Variants in FAM89A observed in about 807,000 individuals in gnomAD.
FAM89A encodes the protein family with sequence similarity 89 member A.
FAM89A carries 10 observed loss-of-function variants against 7.1 expected under a neutral mutation model. The ratio of observed to expected loss-of-function variants is 1.40; its 90% CI spans 0.86 to 2.38. The LOEUF is 2.38. FAM89A is among the 30% of genes most tolerant of loss of function. FAM89A has a pLI of 0.00. For missense variants in FAM89A, 276 were observed against 262.8 expected (o/e 1.05, Z -0.35); for synonymous variants, 157 against 129.3 (o/e 1.21, Z -1.45).
rs1323165929 is a variant in FAM89A, at chr1:231,019,884, G to A, written c.534C>T (p.Asp178=). 1 of 1,614,022 alleles carries A rather than the reference G, an allele frequency of 6.2e-7. No homozygotes were observed. The highest frequency in any genetic ancestry group is 2.2e-5 in the East Asian group (1 of 44,896). The change falls in exon 2 of 2, where the codon GAC becomes GAT. Residue 178 remains aspartate, a synonymous_variant. Coordinates refer to ENST00000366654, the MANE Select transcript of FAM89A (RefSeq NM_198552.3). Reference sequence around the variant, plus strand: ...CCCTCTAGATGGACTCCAGAATCCAGTCGCTGCTGGAGAGGGAGGAGACAG... The same window carrying A: ...CCCTCTAGATGGACTCCAGAATCCAATCGCTGCTGGAGAGGGAGGAGACAG... The part of the protein sequence containing the change: ...SLPVSSLSSS[D]WILESI
chr1:231,039,859 C>A (rs1680228167), intron 1 of FAM89A, 62 bp downstream of exon 1: 3 of 1,267,788 alleles, frequency 2.4e-6, no homozygotes, highest in African/African-American at 3.1e-5. Flanking sequence ...GCGGTCCCCG[C>A]GAACTTTCCC....
At chr1:231,024,519 T>C (rs959086370) in intron 1 of FAM89A, among the ~76,000 whole-genome samples, 6 of 41,636 alleles carry the variant, frequency 1.4e-4, no homozygotes, top group South Asian at 6.9e-4. Flanking sequence ...TTACATTGCA[T>C]GCACACACAC....
Position 231,040,045 on chromosome 1 carries a change from T to C in FAM89A, c.167A>G (p.Gln56Arg). 6.9e-7 allele frequency: 1 copy of C among 1,446,972 alleles called. No homozygotes were observed. The highest frequency in any genetic ancestry group is 9.1e-7 in the Non-Finnish European group (1 of 1,103,056). The allele number at this position is 1,446,972 out of a possible 1,614,324, so 89.6% of individuals were successfully genotyped here. A position where few individuals can be genotyped will look rare whatever the true frequency, so the allele number is the denominator to read the frequency against. Residue 56 changes from glutamine to arginine, a missense_variant, in exon 1 of 2, where the codon CAG becomes CGG. Transcript: ENST00000366654. ...GWRHLERLYA[Q>R]KSRIQDELSR... ...CAGCTCGTCCTGGATGCGCGACTTC[T>C]GCGCGTACAGCCGCTCCAGGTGCCG...
intron 1 of FAM89A, among the ~76,000 whole-genome samples, chr1:231,035,834 C>T (rs1680149520): frequency 6.6e-6 from 1 of 152,198 alleles, no homozygotes; most frequent in Non-Finnish European, 1.5e-5. Context: ...TCCATTTTTG[C>T]AAACTGTCCT....
intron 1 of FAM89A, chr1:231,028,828 T>A (rs1680018700): frequency 6.6e-6 from 1 of 152,110 alleles, no homozygotes; most frequent in Non-Finnish European, 1.5e-5. Context: ...AGAGCTCCCC[T>A]CCACCCCTCC....
intron 1 of FAM89A, among the ~76,000 whole-genome samples, chr1:231,035,484 TCTC>T (rs1463985636): frequency 6.6e-6 from 1 of 152,172 alleles, no homozygotes; most frequent in Non-Finnish European, 1.5e-5. Flanking sequence ...TCCTCAAAGA[TCTC>T]CTGCCCCCAG....
chr1:231,029,214 TTACAGGCTCACGCCTG>T, intron 1 of FAM89A, among the ~76,000 whole-genome samples: 1 of 152,304 alleles, frequency 6.6e-6, no homozygotes, highest in East Asian at 1.9e-4. Context: ...CATTTGCAGA[TTACAGGCTCACGCCTG>T]TAATCCCAGC....
chr1:231,037,671 AG>A (rs1680180876), intron 1 of FAM89A, among the ~76,000 whole-genome samples: 1 of 152,152 alleles, frequency 6.6e-6, no homozygotes, highest in Non-Finnish European at 1.5e-5. Flanking sequence ...CAGGCTTCTC[AG>A]AGTCCACTCG....
intron 1 of FAM89A, among the ~76,000 whole-genome samples, chr1:231,028,182 G>A (rs1384354817): frequency 6.6e-6 from 1 of 152,230 alleles, no homozygotes; most frequent in Non-Finnish European, 1.5e-5. Context: ...AGTCACAGAG[G>A]TGCAGACTGA....
At chr1:231,027,510 C>T (rs1679994192) in intron 1 of FAM89A, among the ~76,000 whole-genome samples, 1 of 152,198 alleles carries the variant, frequency 6.6e-6, no homozygotes, top group Admixed American at 6.5e-5. Flanking sequence ...ATGCCACTGT[C>T]TTCAGGCACC....
At chr1:231,032,801 G>GA (rs1220086254) in intron 1 of FAM89A, among the ~76,000 whole-genome samples, 1 of 152,172 alleles carries the variant, frequency 6.6e-6, no homozygotes, top group Non-Finnish European at 1.5e-5. Context: ...CAGGCCTGGG[G>GA]TTCCCCAACA....
intron 1 of FAM89A, chr1:231,021,905 T>G (rs987255057): frequency 6.4e-7 from 1 of 1,553,496 alleles, no homozygotes; most frequent in Non-Finnish European, 8.9e-7. Flanking sequence ...TGACGATGAG[T>G]TGTTGTCCAG....
intron 1 of FAM89A, chr1:231,021,702 T>C (rs1477186616): frequency 6.3e-7 from 1 of 1,590,908 alleles, no homozygotes; most frequent in African/African-American, 1.3e-5. Context: ...GAGATTTCCT[T>C]GGAAGCAGAA....
intron 1 of FAM89A, among the ~76,000 whole-genome samples, 196 bp downstream of exon 1, chr1:231,039,725 G>A (rs1680223626): frequency 6.6e-6 from 1 of 152,146 alleles, no homozygotes; most frequent in Non-Finnish European, 1.5e-5. Context: ...GGGCTCTCCC[G>A]CGGGGGTTCC....
intron 1 of FAM89A, among the ~76,000 whole-genome samples, chr1:231,025,316 G>A (rs1043090409): frequency 5.9e-5 from 9 of 152,118 alleles, no homozygotes; most frequent in Admixed American, 6.6e-5. Context: ...CAGCTTTGCC[G>A]TCCTCTGTGG....
intron 1 of FAM89A, among the ~76,000 whole-genome samples, chr1:231,025,083 C>T (rs1054831172): frequency 3.3e-5 from 5 of 151,892 alleles, no homozygotes; most frequent in African/African-American, 7.3e-5. Context: ...CCACTACGTC[C>T]GGCTAATTTT....
At chr1:231,029,298 G>A (rs1457554825) in intron 1 of FAM89A, among the ~76,000 whole-genome samples, 1 of 152,146 alleles carries the variant, frequency 6.6e-6, no homozygotes, top group Non-Finnish European at 1.5e-5. Context: ...AGGCCAGCCT[G>A]GGCAAGATGA....
intron 1 of FAM89A, among the ~76,000 whole-genome samples, chr1:231,038,061 C>A (rs1488894617): frequency 6.6e-6 from 1 of 152,150 alleles, no homozygotes; most frequent in Non-Finnish European, 1.5e-5. Context: ...TCCACTCAGA[C>A]CCCATGGCCC....
rs548631733 is a variant in FAM89A, at chr1:231,036,334, C to A, written c.291+3587G>T. Among the ~76,000 whole-genome samples, 9 of 152,256 alleles carry A rather than the reference C, an allele frequency of 5.9e-5. No individual in the cohort carries two copies. The South Asian group carries it at 1.9e-3, about 32-fold the overall frequency. On this transcript the variant is annotated intron_variant, in intron 1 of 1. Transcript: ENST00000366654. ...TTAACATCTAGATATTTCCTATTCA[C>A]CCTTAAACCATCCACAGTACTTGCT...
Sources: allele counts gnomAD v4.1 joint callset (sites outside exome capture counted in the v4.1 genomes callset), GRCh38; gene constraint gnomAD v4.1.1; transcripts MANE v1.5; gene names NCBI Gene and HGNC (gene_info 2026-07-23, HGNC 2026-07-21).